Variants in MALRD1 observed in about 807,000 individuals in gnomAD.
MALRD1 encodes MAM and LDL-receptor class A domain-containing protein 1.
MALRD1 carries 247 observed loss-of-function variants against 242.1 expected under a neutral mutation model. That is an observed-to-expected ratio of 1.02 (90% CI 0.92 to 1.13). The LOEUF is 1.13. MALRD1 is among the 50% of genes most tolerant of loss of function. The pLI is 0.00. For missense variants in MALRD1, 2,989 were observed against 2,533.1 expected (o/e 1.18, Z -3.86); for synonymous variants, 995 against 866.6 (o/e 1.15, Z -2.60).
At chr10:19,136,492 C>T in intron 9 of MALRD1, 82 bp from the exon 10 acceptor site, 4 of 800,636 alleles carry the variant, frequency 5.0e-6, no homozygotes, top group Non-Finnish European at 6.7e-6. Flanking sequence ...TCAATAACTA[C>T]TTTGTCTTTA....
intron 26 of MALRD1, among the ~76,000 whole-genome samples, chr10:19,366,239 G>A (rs1480043403): frequency 6.6e-5 from 10 of 151,712 alleles, no homozygotes; most frequent in Non-Finnish European, 1.3e-4. Context: ...GTCCCATCCG[G>A]GGGTGATGGG....
rs147751338 is a variant in MALRD1 at position 19,648,839 on chromosome 10, C to G, written c.6137+32916C>G. 5.8e-3 allele frequency among the ~76,000 whole-genome samples: 887 copies of G among 152,014 alleles called. 8 individuals carry two copies. The highest frequency in any genetic ancestry group is 0.019 in the African/African-American group (798 of 41,452). ...TTTGTTGTACATAATATTTCATCAC[C>G]CAGGTATAAAGACCAGTACCCAATA... On this transcript the variant is annotated intron_variant, in intron 36 of 39. Transcript: ENST00000454679.
intron 18 of MALRD1, among the ~76,000 whole-genome samples, chr10:19,228,232 T>C (rs192092114): frequency 6.6e-6 from 1 of 152,222 alleles, no homozygotes; most frequent in East Asian, 1.9e-4. Flanking sequence ...AGGAGCAAAC[T>C]GATACAACAG....
chr10:19,609,574 A>G (rs1838794759), intron 35 of MALRD1, among the ~76,000 whole-genome samples: 1 of 152,066 alleles, frequency 6.6e-6, no homozygotes, highest in Admixed American at 6.6e-5. Context: ...CATGGTCACT[A>G]TCTGGCCTCA....
intron 25 of MALRD1, 144 bp from the exon 26 acceptor site, chr10:19,351,862 G>T (rs1224401417): frequency 9.2e-6 from 7 of 762,310 alleles, no homozygotes; most frequent in Non-Finnish European, 4.1e-6. Context: ...GTGTTAAAGT[G>T]CAGACAGAGC....
At chr10:19,391,395 G>C (rs144506504) in intron 28 of MALRD1, among the ~76,000 whole-genome samples, 1 of 152,166 alleles carries the variant, frequency 6.6e-6, no homozygotes, top group Admixed American at 6.5e-5. Flanking sequence ...CAGCCTTACA[G>C]AGTAGTTATT....
At chr10:19,398,449 C>T (rs1448568512) in intron 28 of MALRD1, among the ~76,000 whole-genome samples, 2 of 151,918 alleles carry the variant, frequency 1.3e-5, no homozygotes, top group Non-Finnish European at 1.5e-5. Context: ...ATTTTAAAGG[C>T]GTGATGAACA....
At chr10:19,062,523 C>T (rs1307187519) in intron 1 of MALRD1, among the ~76,000 whole-genome samples, 1 of 152,188 alleles carries the variant, frequency 6.6e-6, no homozygotes, top group Admixed American at 6.5e-5. Context: ...AGCTAAAAAC[C>T]ACTCAAGTGT....
chr10:19,453,925 G>A (rs975862886), intron 29 of MALRD1, among the ~76,000 whole-genome samples: 1 of 151,732 alleles, frequency 6.6e-6, no homozygotes, highest in African/African-American at 2.4e-5. Context: ...ATTGTGGCTT[G>A]CGCCTGTAGT....
intron 38 of MALRD1, among the ~76,000 whole-genome samples, chr10:19,729,668 C>T (rs1472178439): frequency 1.4e-5 from 2 of 142,288 alleles, no homozygotes; most frequent in Non-Finnish European, 3.0e-5. Context: ...TTTTCTTCAT[C>T]AGTTGTCACC....
chr10:19,591,006 A>G (rs1456755535), intron 33 of MALRD1, among the ~76,000 whole-genome samples: 3 of 152,174 alleles, frequency 2.0e-5, no homozygotes, highest in Non-Finnish European at 4.4e-5. Context: ...TATGACACAT[A>G]CAGTTAGTTT....
intron 38 of MALRD1, chr10:19,730,472 G>C: frequency 1.8e-6 from 1 of 553,084 alleles, no homozygotes; most frequent in Non-Finnish European, 3.2e-6. Context: ...GAGTTTATTT[G>C]GATCTAAACA....
chr10:19,470,860 C>T (rs979591330), intron 29 of MALRD1, among the ~76,000 whole-genome samples: 2 of 151,654 alleles, frequency 1.3e-5, no homozygotes, highest in Admixed American at 6.6e-5. Context: ...CAAATATTTT[C>T]TCCTAATACT....
chr10:19,529,163 A>T (rs948726422), intron 31 of MALRD1, among the ~76,000 whole-genome samples: 3 of 152,214 alleles, frequency 2.0e-5, no homozygotes, highest in Middle Eastern at 3.2e-3. Context: ...CCATTTTGAA[A>T]TATTCCTAGA....
At chr10:19,647,020 T>C (rs886187915) in intron 36 of MALRD1, among the ~76,000 whole-genome samples, 1 of 152,154 alleles carries the variant, frequency 6.6e-6, no homozygotes, top group Non-Finnish European at 1.5e-5. Context: ...AAAAGCTGGA[T>C]GAAACTTGAA....
chr10:19,726,374 A>C (rs557878613), intron 38 of MALRD1, among the ~76,000 whole-genome samples: 2 of 152,180 alleles, frequency 1.3e-5, no homozygotes, highest in Non-Finnish European at 2.9e-5. Flanking sequence ...GGAAATGAAA[A>C]TCAGTACCAC....
chr10:19,594,338 T>C (rs1837964948), intron 33 of MALRD1, among the ~76,000 whole-genome samples: 1 of 152,118 alleles, frequency 6.6e-6, no homozygotes, highest in East Asian at 1.9e-4. Flanking sequence ...CAGAAAACAG[T>C]AGAAGTTGGT....
chr10:19,298,693 G>A (rs1363085325), intron 21 of MALRD1, among the ~76,000 whole-genome samples: 3 of 149,484 alleles, frequency 2.0e-5, no homozygotes, highest in Non-Finnish European at 3.0e-5. Context: ...TGGCGGAGAG[G>A]TACTCAGCAC....
chr10:19,263,861 G>A (rs1262918794), intron 19 of MALRD1, among the ~76,000 whole-genome samples: 1 of 152,116 alleles, frequency 6.6e-6, no homozygotes, highest in African/African-American at 2.4e-5. Flanking sequence ...TTGAAATTGG[G>A]AAGTATGATG....
Sources: allele counts gnomAD v4.1 joint callset (sites outside exome capture counted in the v4.1 genomes callset), GRCh38; gene constraint gnomAD v4.1.1; transcripts MANE v1.5; gene names NCBI Gene and HGNC (gene_info 2026-07-23, HGNC 2026-07-21).